CADPS: variants seen among roughly 807,000 people sequenced by gnomAD.
The protein encoded by CADPS is calcium dependent secretion activator, also known as calcium-dependent secretion activator 1.
Under a neutral mutation model 167.3 loss-of-function variants are expected in CADPS, and 57 were observed. The observed-to-expected ratio is 0.34, with a 90% CI of 0.28 to 0.42. The LOEUF is 0.42. Ranked by LOEUF, CADPS falls within the 20% of genes least tolerant of loss-of-function variation. The pLI is 1.00. For missense variants in CADPS, 1,414 were observed against 1,738.1 expected (o/e 0.81, Z 3.32); for synonymous variants, 676 against 635.3 (o/e 1.06, Z -0.96).
intron 1 of CADPS, 113 bp from the exon 2 acceptor site, chr3:62,766,097 G>A (rs2086790368): frequency 3.6e-6 from 2 of 557,286 alleles, no homozygotes; most frequent in Admixed American, 3.0e-5. Flanking sequence ...GCTTGTATAG[G>A]TGTGTGACAG....
intron 1 of CADPS, among the ~76,000 whole-genome samples, chr3:62,794,422 A>G (rs1488248799): frequency 2.0e-5 from 3 of 152,166 alleles, no homozygotes; most frequent in Non-Finnish European, 4.4e-5. Context: ...TCTCCACTAT[A>G]CAGATGAGGA....
chr3:62,832,976 T>C (rs955236691), intron 1 of CADPS, among the ~76,000 whole-genome samples: 1 of 152,156 alleles, frequency 6.6e-6, no homozygotes, highest in African/African-American at 2.4e-5. Context: ...TTTGGAGGAA[T>C]TGCCTCCTCT....
At chr3:62,605,761 C>A (rs2060612900) in intron 6 of CADPS, among the ~76,000 whole-genome samples, 2 of 152,190 alleles carry the variant, frequency 1.3e-5, no homozygotes, top group South Asian at 4.1e-4. Context: ...ACGTCCTAGC[C>A]TGATTCTCAA....
intron 17 of CADPS, among the ~76,000 whole-genome samples, chr3:62,506,105 G>T (rs554750788): frequency 6.6e-6 from 1 of 152,126 alleles, no homozygotes; most frequent in Non-Finnish European, 1.5e-5. Context: ...TACTATTTAA[G>T]ACAGCTGTGC....
chr3:62,432,107 G>A (rs535463914), intron 28 of CADPS, among the ~76,000 whole-genome samples: 43 of 152,124 alleles, frequency 2.8e-4, no homozygotes, highest in African/African-American at 9.4e-4. Flanking sequence ...GCAATGCAGT[G>A]TAGTTTTGTT....
Position 62,445,754 on chromosome 3 carries a change from C to T in CADPS, c.3669+11G>A. 2 of 1,336,908 alleles carry T rather than the reference C, an allele frequency of 1.5e-6. No individual in the cohort carries two copies. Among genetic ancestry groups the T allele is most frequent in the Non-Finnish European group, 2.0e-6 (2 of 987,482 alleles). 82.8% of individuals were successfully genotyped at this position (1,336,908 alleles called of 1,614,324 possible). A position where few individuals can be genotyped will look rare whatever the true frequency, so the allele number is the denominator to read the frequency against. ...AAAAAACCCCATGAGAAACAATTTT[C>T]AAATACTCACAGGTACATCCACATA... On this transcript the variant is annotated intron_variant, in intron 27 of 29. Transcript: ENST00000383710.
chr3:62,764,029 A>G (rs780899095), intron 2 of CADPS, among the ~76,000 whole-genome samples: 2 of 152,210 alleles, frequency 1.3e-5, no homozygotes, highest in East Asian at 1.9e-4. Context: ...GATAGAAATG[A>G]CACTTTCTTT....
At position 62,601,979 on chromosome 3, in the gene CADPS, T is replaced by A. The variant is rs562537639; in HGVS notation, c.1326-9231A>T. Among the ~76,000 whole-genome samples the A allele has an allele frequency of 6.6e-6, 1 of 152,308 alleles. No homozygotes were observed. The highest frequency in any genetic ancestry group is 2.4e-5 in the African/African-American group (1 of 41,566). Reference sequence around the variant, plus strand: ...TGATCACAGTCGCATCTCTGTTTACTATTTAAAGCCTCTTATTTGCGGAAG... The same window carrying A: ...TGATCACAGTCGCATCTCTGTTTACAATTTAAAGCCTCTTATTTGCGGAAG... On this transcript the variant is annotated intron_variant, in intron 6 of 29. Transcript: ENST00000383710. This position sits in a 1 kb window ranked among gnomAD's most constrained non-coding sequence, Gnocchi z 4.3.
rs369874258 is a variant in CADPS at position 62,649,543 on chromosome 3, C to CTTTTTT, written c.1203+1298_1203+1303dup. ...TCAAGGGAATCATACAATATGTGGTCTTTTTTTTTTTTTTTTTTTTTTTTT... is the reference window on the plus strand; with the variant it reads ...TCAAGGGAATCATACAATATGTGGTCTTTTTTTTTTTTTTTTTTTTTTTTTTTTTTT... On this transcript the variant is annotated intron_variant, in intron 5 of 29. Coordinates refer to ENST00000383710, the MANE Select transcript of CADPS (RefSeq NM_003716.4). Among the ~76,000 whole-genome samples, 371 of 37,800 alleles carry CTTTTTT rather than the reference C, an allele frequency of 9.8e-3. 57 individuals carry two copies. Among genetic ancestry groups the CTTTTTT allele is most frequent in the Middle Eastern group, 0.083 (2 of 24 alleles). 24.8% of individuals were successfully genotyped at this position (37,800 alleles called of 152,430 possible). A position where few individuals can be genotyped will look rare whatever the true frequency, so the allele number is the denominator to read the frequency against.
chr3:62,780,901 C>T (rs900062771), intron 1 of CADPS, among the ~76,000 whole-genome samples: 1 of 152,098 alleles, frequency 6.6e-6, no homozygotes, highest in Admixed American at 6.6e-5. Context: ...GAAAAATATA[C>T]TTTGACAATA....
intron 22 of CADPS, among the ~76,000 whole-genome samples, chr3:62,479,812 T>C (rs569112575): frequency 6.6e-6 from 1 of 152,360 alleles, no homozygotes; most frequent in East Asian, 1.9e-4. Flanking sequence ...TCTTTTCAGA[T>C]ACTGCCGTGA....
intron 1 of CADPS, among the ~76,000 whole-genome samples, chr3:62,871,526 CA>C (rs1292093091): frequency 6.6e-6 from 1 of 152,052 alleles, no homozygotes; most frequent in Admixed American, 6.5e-5. Context: ...GCCAGTATCT[CA>C]TATTAAAAAG....
At chr3:62,847,130 G>A (rs183711950) in intron 1 of CADPS, among the ~76,000 whole-genome samples, 4 of 152,142 alleles carry the variant, frequency 2.6e-5, no homozygotes, top group Non-Finnish European at 4.4e-5. Flanking sequence ...TTGACAGGAC[G>A]TTAGTAGTTT....
intron 3 of CADPS, among the ~76,000 whole-genome samples, chr3:62,731,271 A>G (rs769782397): frequency 6.6e-6 from 1 of 152,230 alleles, no homozygotes; most frequent in Non-Finnish European, 1.5e-5. Context: ...CACTCACTAA[A>G]TGGTGGCTAT....
At chr3:62,615,608 GA>G (rs1383956262) in intron 6 of CADPS, among the ~76,000 whole-genome samples, 1 of 152,120 alleles carries the variant, frequency 6.6e-6, no homozygotes, top group African/African-American at 2.4e-5. Flanking sequence ...CTCAGTTTCT[GA>G]AAAACAGCTG....
chr3:62,410,976 G>A (rs1187868877), intron 28 of CADPS, among the ~76,000 whole-genome samples: 1 of 152,116 alleles, frequency 6.6e-6, no homozygotes, highest in East Asian at 1.9e-4. Context: ...ATGGTGGTGT[G>A]TGCCTGTAGT....
At chr3:62,520,690 T>C (rs954846453) in intron 13 of CADPS, among the ~76,000 whole-genome samples, 3 of 152,214 alleles carry the variant, frequency 2.0e-5, no homozygotes, top group African/African-American at 7.2e-5. Context: ...TGACATAAAA[T>C]GTAAATTTGT....
chr3:62,700,753 A>G (rs2151529640), intron 3 of CADPS, among the ~76,000 whole-genome samples: 1 of 152,234 alleles, frequency 6.6e-6, no homozygotes, highest in African/African-American at 2.4e-5. Flanking sequence ...GGGAAAACTG[A>G]GCACAGGATT....
intron 6 of CADPS, among the ~76,000 whole-genome samples, chr3:62,619,879 G>C (rs542810824): frequency 6.6e-6 from 1 of 152,174 alleles, no homozygotes; most frequent in South Asian, 2.1e-4. Flanking sequence ...GTGCTTTGTT[G>C]GAGACCATCA....
Sources: gnomAD v4.1 joint callset for allele counts (sites outside exome capture counted in the v4.1 genomes callset) on GRCh38, gnomAD v4.1.1 for gene constraint, Gnocchi (gnomAD v3.1) non-coding constraint, MANE v1.5 for transcripts, NCBI Gene and HGNC (gene_info 2026-07-23, HGNC 2026-07-21) for gene names.